Variants in MAN2A1 observed in about 807,000 individuals in gnomAD.
The protein encoded by MAN2A1 is mannosidase alpha class 2A member 1, also known as alpha-mannosidase 2.
MAN2A1 carries 76 observed loss-of-function variants against 142.6 expected under a neutral mutation model. The ratio of observed to expected loss-of-function variants is 0.53; its 90% CI spans 0.44 to 0.65. The LOEUF (loss-of-function observed/expected upper bound fraction) is 0.65. MAN2A1 is among the 30% of genes least tolerant of loss of function. The probability of loss-of-function intolerance (pLI) is 0.00; values close to 1 mark genes in which losing one functional copy is unlikely to be tolerated. For missense variants in MAN2A1, 1,311 were observed against 1,365.1 expected (o/e 0.96, Z 0.62); for synonymous variants, 559 against 473.2 (o/e 1.18, Z -2.35).
intron 1 of MAN2A1, among the ~76,000 whole-genome samples, chr5:109,711,228 A>G (rs915216722): frequency 1.3e-5 from 2 of 152,220 alleles, no homozygotes; most frequent in South Asian, 4.1e-4. Flanking sequence ...AGATGAATCA[A>G]CATGTTCTAA....
chr5:109,730,886 A>G (rs1000910896), intron 4 of MAN2A1, among the ~76,000 whole-genome samples: 1 of 152,094 alleles, frequency 6.6e-6, no homozygotes, highest in African/African-American at 2.4e-5. Flanking sequence ...CTGCCTTCCT[A>G]AGATTGAATT....
intron 12 of MAN2A1, among the ~76,000 whole-genome samples, chr5:109,789,769 G>A (rs1017236936): frequency 4.6e-5 from 7 of 151,716 alleles, no homozygotes; most frequent in African/African-American, 1.7e-4. Context: ...ATAAGGTATA[G>A]CATGATAAAT....
At chr5:109,821,645 T>C (rs1754626331) in intron 15 of MAN2A1, among the ~76,000 whole-genome samples, 1 of 152,166 alleles carries the variant, frequency 6.6e-6, no homozygotes, top group South Asian at 2.1e-4. Flanking sequence ...TATTTTTCTG[T>C]TAAGATTTTT....
chr5:109,704,369 G>A (rs187793302), intron 1 of MAN2A1, among the ~76,000 whole-genome samples: 5 of 152,234 alleles, frequency 3.3e-5, no homozygotes, highest in Non-Finnish European at 1.5e-5. Flanking sequence ...ACATCGTGAG[G>A]GCATTTATTT....
At chr5:109,839,905 A>G (rs988334236) in intron 16 of MAN2A1, among the ~76,000 whole-genome samples, 6 of 151,232 alleles carry the variant, frequency 4.0e-5, no homozygotes, top group Non-Finnish European at 8.8e-5. Flanking sequence ...AGATAAATCT[A>G]TGGTGCCTAC....
At chr5:109,807,041 AT>A (rs927568030) in intron 12 of MAN2A1, among the ~76,000 whole-genome samples, 2 of 151,642 alleles carry the variant, frequency 1.3e-5, no homozygotes, top group African/African-American at 2.4e-5. Flanking sequence ...TTAGCGTTGA[AT>A]TTTTTTTTCT....
chr5:109,748,918 A>G (rs1191504516), intron 4 of MAN2A1, among the ~76,000 whole-genome samples: 1 of 151,588 alleles, frequency 6.6e-6, no homozygotes, highest in Non-Finnish European at 1.5e-5. Context: ...CCTGCCTACT[A>G]GATATTCTCC....
At chr5:109,765,215 G>A (rs975167604) in intron 5 of MAN2A1, among the ~76,000 whole-genome samples, 1 of 152,074 alleles carries the variant, frequency 6.6e-6, no homozygotes, top group African/African-American at 2.4e-5. Context: ...GCATTTAGTT[G>A]TCATGTCTCT....
intron 1 of MAN2A1, among the ~76,000 whole-genome samples, chr5:109,697,751 C>T (rs1750855309): frequency 6.6e-6 from 1 of 152,138 alleles, no homozygotes; most frequent in African/African-American, 2.4e-5. Context: ...AACTATATTT[C>T]TCTATTGTTA....
intron 13 of MAN2A1, among the ~76,000 whole-genome samples, chr5:109,817,910 C>G (rs1238971556): frequency 6.6e-6 from 1 of 152,030 alleles, no homozygotes; most frequent in Non-Finnish European, 1.5e-5. Context: ...AATTAAGATG[C>G]TTCTTTTGTG....
chr5:109,714,820 C>A (rs1204947547), intron 2 of MAN2A1, among the ~76,000 whole-genome samples: 1 of 152,084 alleles, frequency 6.6e-6, no homozygotes, highest in Non-Finnish European at 1.5e-5. Flanking sequence ...GTGGAGCTGG[C>A]CAGGTCTTGC....
At chr5:109,828,932 A>T (rs1754832124) in intron 16 of MAN2A1, among the ~76,000 whole-genome samples, 1 of 152,198 alleles carries the variant, frequency 6.6e-6, no homozygotes, top group Admixed American at 6.5e-5. Flanking sequence ...TGAATATATA[A>T]ACATAAGTGG....
At chr5:109,763,520 T>G (rs1274205380) in intron 5 of MAN2A1, among the ~76,000 whole-genome samples, 1 of 147,126 alleles carries the variant, frequency 6.8e-6, no homozygotes, top group Non-Finnish European at 1.5e-5. Context: ...TAAAATTTAT[T>G]TTAGTATTAT....
At chr5:109,847,558 T>G (rs1296072914) in intron 18 of MAN2A1, 99 bp from the exon 19 acceptor site, 11 of 1,084,430 alleles carry the variant, frequency 1.0e-5, no homozygotes, top group Non-Finnish European at 1.3e-5. Context: ...AGAGGAAATT[T>G]AGAGCAATAC....
chr5:109,777,883 G>A (rs561227238), intron 8 of MAN2A1, among the ~76,000 whole-genome samples: 3 of 152,054 alleles, frequency 2.0e-5, no homozygotes, highest in Admixed American at 2.0e-4. Context: ...GTGTGGGTCT[G>A]TGTCTACACT....
intron 5 of MAN2A1, among the ~76,000 whole-genome samples, chr5:109,756,701 G>A (rs936100486): frequency 2.0e-5 from 3 of 152,128 alleles, no homozygotes; most frequent in Admixed American, 2.0e-4. Context: ...TATCATGCCC[G>A]TGTAGAAAAT....
chr5:109,786,450 A>G (rs1480490926), intron 10 of MAN2A1, among the ~76,000 whole-genome samples: 1 of 152,068 alleles, frequency 6.6e-6, no homozygotes, highest in Non-Finnish European at 1.5e-5. Context: ...GATTTTTTGT[A>G]TCTTGACCTG....
At position 109,699,206 on chromosome 5, in the gene MAN2A1, A is replaced by G. The variant is rs377134856; in HGVS notation, c.135+8654A>G. The stretch of plus-strand genomic sequence containing the variant: ...GGTACTTCTCAGCCTTCTCCCACTC[A>G]ATTTCTCTTCCTTCTCATTTCTCAC... On this transcript the variant is annotated intron_variant, in intron 1 of 21. Transcript: ENST00000261483. Among the ~76,000 whole-genome samples, 14 of 152,164 alleles carry G rather than the reference A, an allele frequency of 9.2e-5. 1 individual carries two copies. The highest frequency in any genetic ancestry group is 2.6e-4 in the Admixed American group (4 of 15,290).
intron 10 of MAN2A1, 90 bp from the exon 11 acceptor site, chr5:109,788,844 C>A: frequency 1.6e-6 from 1 of 644,776 alleles, no homozygotes. Context: ...GATGAAGATA[C>A]TGGTGGTTTG....
Sources: gnomAD v4.1 joint callset for allele counts (sites outside exome capture counted in the v4.1 genomes callset) on GRCh38, gnomAD v4.1.1 for gene constraint, MANE v1.5 for transcripts, NCBI Gene and HGNC (gene_info 2026-07-23, HGNC 2026-07-21) for gene names.